Variants in SYNPO2 observed in about 807,000 individuals in gnomAD.
The protein encoded by SYNPO2 is synaptopodin 2, also known as synaptopodin-2.
SYNPO2 carries 56 observed loss-of-function variants against 85.0 expected under a neutral mutation model. The ratio of observed to expected loss-of-function variants is 0.66; its 90% CI spans 0.53 to 0.82. SYNPO2 has a LOEUF of 0.82. Ranked by LOEUF, SYNPO2 falls within the 40% of genes least tolerant of loss-of-function variation. SYNPO2 has a pLI of 0.00. For missense variants in SYNPO2, 1,575 were observed against 1,534.2 expected, an observed-to-expected ratio of 1.03 and a Z score of -0.44; for synonymous variants, 602 against 591.1, an observed-to-expected ratio of 1.02 and a Z score of -0.27.
intron 1 of SYNPO2, among the ~76,000 whole-genome samples, chr4:118,949,832 G>T (rs760422153): frequency 1.1e-4 from 17 of 152,162 alleles, no homozygotes; most frequent in Non-Finnish European, 1.9e-4. Context: ...ATGCTATCAA[G>T]TCGATCGTCA....
chr4:119,003,890 C>T (rs538612880), intron 1 of SYNPO2, among the ~76,000 whole-genome samples: 91 of 152,188 alleles, frequency 6.0e-4, no homozygotes, highest in African/African-American at 1.9e-3. Flanking sequence ...AGCCCAGATA[C>T]GACATGGCTT....
chr4:118,879,301 G>C (rs1370175663), intron 1 of SYNPO2, among the ~76,000 whole-genome samples: 1 of 152,202 alleles, frequency 6.6e-6, no homozygotes, highest in Non-Finnish European at 1.5e-5. Flanking sequence ...AATTCAGAGA[G>C]GGTTAGAGCT....
At chr4:118,954,795 T>C (rs1734815042) in intron 1 of SYNPO2, among the ~76,000 whole-genome samples, 1 of 152,292 alleles carries the variant, frequency 6.6e-6, no homozygotes, top group African/African-American at 2.4e-5. Context: ...TTTTACAAAG[T>C]ACTTTATGTG....
intron 1 of SYNPO2, among the ~76,000 whole-genome samples, chr4:118,914,979 T>C (rs1733263874): frequency 7.1e-6 from 1 of 141,474 alleles, no homozygotes; most frequent in African/African-American, 2.6e-5. Flanking sequence ...ATTTATTATA[T>C]AATGAAAAAT....
chr4:118,936,121 G>C (rs1001278743), intron 1 of SYNPO2, among the ~76,000 whole-genome samples: 1 of 152,116 alleles, frequency 6.6e-6, no homozygotes, highest in Non-Finnish European at 1.5e-5. Context: ...AATTGCCCAG[G>C]GTATTCAGTA....
At chr4:118,862,215 A>G (rs898815920) in intron 1 of SYNPO2, among the ~76,000 whole-genome samples, 9 of 152,162 alleles carry the variant, frequency 5.9e-5, no homozygotes, top group Non-Finnish European at 1.2e-4. Context: ...TTTGTTTATC[A>G]GTTCTAATAG....
At chr4:119,032,392 T>G in intron 4 of SYNPO2, 1 of 1,171,072 alleles carries the variant, frequency 8.5e-7, no homozygotes, top group South Asian at 2.2e-5. Context: ...AATCAGCCTT[T>G]ATGTAACATA....
At chr4:118,868,393 T>A (rs1356898769) in intron 1 of SYNPO2, among the ~76,000 whole-genome samples, 1 of 152,160 alleles carries the variant, frequency 6.6e-6, no homozygotes, top group Non-Finnish European at 1.5e-5. Context: ...AATTTTCATG[T>A]AGGTTAATGG....
At chr4:119,033,315 C>T (rs1738365176) in intron 4 of SYNPO2, 1 of 985,392 alleles carries the variant, frequency 1.0e-6, no homozygotes, top group Admixed American at 6.1e-5. Flanking sequence ...ATTCTCTCAC[C>T]TTCACTTTAC....
At chr4:118,972,360 C>T (rs547864510) in intron 1 of SYNPO2, among the ~76,000 whole-genome samples, 1 of 152,090 alleles carries the variant, frequency 6.6e-6, no homozygotes, top group South Asian at 2.1e-4. Context: ...GGAAGGATGG[C>T]TTCAGTCCAG....
At chr4:118,923,164 T>C (rs539822095) in intron 1 of SYNPO2, among the ~76,000 whole-genome samples, 25 of 151,946 alleles carry the variant, frequency 1.6e-4, no homozygotes, top group South Asian at 6.2e-4. Context: ...CAACAGTAGA[T>C]TGGAAAAAGA....
intron 4 of SYNPO2, chr4:119,038,642 C>T: frequency 1.2e-6 from 1 of 837,912 alleles, no homozygotes; most frequent in South Asian, 5.4e-5. Context: ...TAAGGCATTT[C>T]AACAAGAATA....
intron 1 of SYNPO2, among the ~76,000 whole-genome samples, chr4:118,911,027 C>T (rs537804086): frequency 9.9e-5 from 15 of 152,108 alleles, no homozygotes; most frequent in East Asian, 3.8e-4. Context: ...TAGAAAATGG[C>T]GAGTCTCTTA....
At chr4:119,027,691 A>T (rs1447148658) in intron 3 of SYNPO2, among the ~76,000 whole-genome samples, 1 of 152,180 alleles carries the variant, frequency 6.6e-6, no homozygotes, top group African/African-American at 2.4e-5. Context: ...AGGCACAGGA[A>T]CTGTTAAAGA....
At position 119,027,015 on chromosome 4, in the gene SYNPO2, G is replaced by C; in HGVS notation, c.646G>C (p.Val216Leu). The C allele has an allele frequency of 1.2e-6, 2 of 1,614,170 alleles. No homozygotes were observed. Among genetic ancestry groups the C allele is most frequent in the Non-Finnish European group, 1.7e-6 (2 of 1,180,034 alleles). Residue 216 changes from valine to leucine, a missense_variant, in exon 3 of 5, where the codon GTG becomes CTG. Physicochemically the swap from Val to Leu is conservative, Grantham distance 32. Coordinates refer to ENST00000307142, the MANE Select transcript of SYNPO2 (RefSeq NM_133477.3). ...ERHKGASGPL[V>L]ALPGAEKSKS... is the part of the protein sequence containing the mutation. ...ACATAAGGGCGCTAGTGGCCCTTTA[G>C]TGGCTCTCCCGGGAGCTGAAAAATC...
intron 4 of SYNPO2, chr4:119,033,753 T>A (rs184407062): frequency 6.6e-5 from 65 of 985,050 alleles, no homozygotes; most frequent in Admixed American, 4.9e-4. Context: ...GTCCATATTT[T>A]AAAAAAATCT....
chr4:119,035,178 A>G (rs1248246763), intron 4 of SYNPO2: 1 of 985,364 alleles, frequency 1.0e-6, no homozygotes, highest in Non-Finnish European at 1.2e-6. Context: ...GACTTTCTGC[A>G]GGACCTTAAA....
At chr4:118,897,798 C>T (rs1732596973) in intron 1 of SYNPO2, among the ~76,000 whole-genome samples, 1 of 152,100 alleles carries the variant, frequency 6.6e-6, no homozygotes, top group African/African-American at 2.4e-5. Context: ...GTTCTAAGCT[C>T]CTAGACATGT....
At chr4:119,001,184 C>T (rs1197191766) in intron 1 of SYNPO2, among the ~76,000 whole-genome samples, 1 of 152,136 alleles carries the variant, frequency 6.6e-6, no homozygotes, top group Non-Finnish European at 1.5e-5. Flanking sequence ...AGTGTCCTAG[C>T]CCTATGGCCC....
Sources: allele counts gnomAD v4.1 joint callset (sites outside exome capture counted in the v4.1 genomes callset), GRCh38; gene constraint gnomAD v4.1.1; transcripts MANE v1.5; gene names NCBI Gene and HGNC (gene_info 2026-07-23, HGNC 2026-07-21).